The following GRIA1 variants were observed in gnomAD, a reference collection of about 807,000 sequenced individuals.
GRIA1 encodes glutamate ionotropic receptor AMPA type subunit 1.
Under a neutral mutation model 99.2 loss-of-function variants are expected in GRIA1, and 31 were observed. The ratio of observed to expected loss-of-function variants is 0.31; its 90% CI spans 0.23 to 0.42. GRIA1 has a LOEUF of 0.42. Among genes scored for constraint, GRIA1 ranks in the 10% least tolerant of loss-of-function variants. GRIA1 has a pLI of 1.00. For synonymous variants in GRIA1, 438 were observed against 432.4 expected (o/e 1.01, Z -0.16); for missense variants, 782 against 1,157.5 (o/e 0.68, Z 4.71).
chr5:153,625,527 C>G (rs1767516353), intron 2 of GRIA1, among the ~76,000 whole-genome samples: 1 of 152,152 alleles, frequency 6.6e-6, no homozygotes, highest in African/African-American at 2.4e-5. Flanking sequence ...CTCTCTGATA[C>G]CACGGCACTC....
chr5:153,673,888 G>A (rs946391460), intron 5 of GRIA1, among the ~76,000 whole-genome samples: 2 of 152,176 alleles, frequency 1.3e-5, no homozygotes, highest in African/African-American at 2.4e-5. Context: ...CTCATGGAGT[G>A]GTGAAAATTT....
At chr5:153,516,061 A>C (rs1322026125) in intron 2 of GRIA1, among the ~76,000 whole-genome samples, 2 of 152,104 alleles carry the variant, frequency 1.3e-5, no homozygotes, top group East Asian at 1.9e-4. Flanking sequence ...TCTACTAAAA[A>C]TACAAAAAAT....
intron 11 of GRIA1, among the ~76,000 whole-genome samples, chr5:153,740,391 C>G (rs1761694352): frequency 6.6e-6 from 1 of 152,206 alleles, no homozygotes; most frequent in Non-Finnish European, 1.5e-5. Flanking sequence ...CAGAACTGAG[C>G]TGAGCCTGTC....
At chr5:153,721,291 G>A (rs1328976622) in intron 11 of GRIA1, among the ~76,000 whole-genome samples, 1 of 152,128 alleles carries the variant, frequency 6.6e-6, no homozygotes, top group Non-Finnish European at 1.5e-5. Flanking sequence ...GCAAACAAAG[G>A]TATAGATAGG....
intron 11 of GRIA1, among the ~76,000 whole-genome samples, chr5:153,744,986 A>AGAG (rs755569359): frequency 3.0e-4 from 46 of 152,174 alleles, no homozygotes; most frequent in Non-Finnish European, 4.9e-4. Flanking sequence ...CATTCAATCC[A>AGAG]GAGTCCATAC....
In GRIA1 at chr5:153,578,373, T is replaced by C. The variant is rs150979270; in HGVS notation, c.221-68555T>C. 2.0e-5 allele frequency among the ~76,000 whole-genome samples: 3 copies of C among 152,214 alleles called. No individual in the cohort carries two copies. In the East Asian group the frequency reaches 5.8e-4, roughly 29 times the overall value. ...TCATGCTACAAAACAATTTGGAGAA[T>C]ATTCTAGCCAAAAGGGAATAATTTG... is the stretch of plus-strand genomic sequence containing the variant. On this transcript the variant is annotated intron_variant, in intron 2 of 15. Coordinates refer to ENST00000285900, the MANE Select transcript of GRIA1 (RefSeq NM_000827.4).
intron 2 of GRIA1, among the ~76,000 whole-genome samples, chr5:153,533,243 G>A (rs950207773): frequency 6.6e-6 from 1 of 152,156 alleles, no homozygotes; most frequent in African/African-American, 2.4e-5. Flanking sequence ...GGACCAGGGA[G>A]CCCATGCATT....
chr5:153,665,000 A>G (rs1002567447), intron 5 of GRIA1, among the ~76,000 whole-genome samples: 6 of 152,234 alleles, frequency 3.9e-5, no homozygotes, highest in African/African-American at 1.2e-4. Context: ...AACTGTAGCC[A>G]TAAGGGCCCA....
At chr5:153,720,812 G>A (rs963243647) in intron 11 of GRIA1, among the ~76,000 whole-genome samples, 1 of 152,098 alleles carries the variant, frequency 6.6e-6, no homozygotes, top group Non-Finnish European at 1.5e-5. Context: ...GAGCCCTCAT[G>A]GCCAGTTCTG....
chr5:153,691,720 G>A (rs1757774437), intron 8 of GRIA1, among the ~76,000 whole-genome samples: 1 of 152,060 alleles, frequency 6.6e-6, no homozygotes, highest in Non-Finnish European at 1.5e-5. Flanking sequence ...CTCAGATATA[G>A]CCTAAACCTC....
chr5:153,613,798 T>A lies in GRIA1; in HGVS notation c.221-33130T>A, dbSNP rs141256902. Among the ~76,000 whole-genome samples, 31 of 152,342 alleles carry A rather than the reference T, an allele frequency of 2.0e-4. No homozygotes were observed. In the East Asian group the frequency reaches 6.0e-3, roughly 29 times the overall value. On this transcript the variant is annotated intron_variant, in intron 2 of 15. Transcript: ENST00000285900. ...AGGCATTTACATAATCCGTTCACTT[T>A]AGTTTCAGAAAATCAACAGGCCAGA...
intron 1 of GRIA1, chr5:153,492,116 T>A: frequency 7.1e-7 from 1 of 1,411,790 alleles, no homozygotes; most frequent in South Asian, 1.6e-5. Context: ...CTAGGGAAAG[T>A]TCGCATTGCT....
chr5:153,646,988 T>C lies in GRIA1; in HGVS notation c.281T>C (p.Val94Ala). 1 of 1,613,988 alleles carries C rather than the reference T, an allele frequency of 6.2e-7. No individual in the cohort carries two copies. The highest frequency in any genetic ancestry group is 8.5e-7 in the Non-Finnish European group (1 of 1,179,880). ...TTTGGGTTTTATGAACGTAGGACTG[T>C]CAACATGCTGACCTCCTTTTGTGGG... Reference protein sequence around the residue: ...AIFGFYERRTVNMLTSFCGAL... With the variant: ...AIFGFYERRTANMLTSFCGAL... Residue 94 changes from valine (V) to alanine (A), a missense_variant, in exon 3 of 16, where the codon GTC (valine) becomes GCC (alanine). Transcript: ENST00000285900.
intron 13 of GRIA1, among the ~76,000 whole-genome samples, chr5:153,782,767 C>A (rs1764716378): frequency 6.6e-6 from 1 of 152,140 alleles, no homozygotes; most frequent in Non-Finnish European, 1.5e-5. Flanking sequence ...AGAGAACAGC[C>A]AGGCGGAAGA....
At chr5:153,804,728 A>ATTT (rs1766303818) in intron 15 of GRIA1, among the ~76,000 whole-genome samples, 28 of 136,194 alleles carry the variant, frequency 2.1e-4, no homozygotes, top group Non-Finnish European at 2.6e-4. Context: ...TTAATTAATT[A>ATTT]ATTAATTTAT....
At chr5:153,658,588 GTGT>G in intron 5 of GRIA1, among the ~76,000 whole-genome samples, 1 of 152,184 alleles carries the variant, frequency 6.6e-6, no homozygotes, top group East Asian at 1.9e-4. Context: ...AGTATGTGGT[GTGT>G]TTTCTTCCCC....
At chr5:153,510,722 A>C (rs1206396450) in intron 2 of GRIA1, among the ~76,000 whole-genome samples, 1 of 152,248 alleles carries the variant, frequency 6.6e-6, no homozygotes, top group Non-Finnish European at 1.5e-5. Context: ...CTTGTTTATA[A>C]GCAAATAAAG....
intron 14 of GRIA1, among the ~76,000 whole-genome samples, chr5:153,801,082 C>T (rs915076620): frequency 3.3e-5 from 5 of 152,244 alleles, no homozygotes; most frequent in African/African-American, 1.2e-4. Context: ...AATGAGTATT[C>T]TCCTAGTAGT....
At chr5:153,730,505 G>C (rs1760928309) in intron 11 of GRIA1, among the ~76,000 whole-genome samples, 1 of 152,076 alleles carries the variant, frequency 6.6e-6, no homozygotes, top group African/African-American at 2.4e-5. Context: ...AATAATGATG[G>C]TCTGATGAAG....
Sources: gnomAD v4.1 joint callset for allele counts (sites outside exome capture counted in the v4.1 genomes callset) on GRCh38, gnomAD v4.1.1 for gene constraint, MANE v1.5 for transcripts, NCBI Gene and HGNC (gene_info 2026-07-23, HGNC 2026-07-21) for gene names.